The following CDH13 variants were observed in gnomAD, a reference collection of about 807,000 sequenced individuals.
CDH13 encodes cadherin-13.
A neutral mutation model predicts 63.8 loss-of-function variants in CDH13; 24 were observed. The observed-to-expected ratio is 0.38, with a 90% CI of 0.27 to 0.53. CDH13 has a LOEUF of 0.53. CDH13 is among the 20% of genes least tolerant of loss of function. The probability of loss-of-function intolerance (pLI) is 0.85; values close to 1 mark genes in which losing one functional copy is unlikely to be tolerated. For missense variants in CDH13, 1,049 were observed against 903.1 expected (o/e 1.16, Z -2.07); for synonymous variants, 503 against 355.3 (o/e 1.42, Z -4.67).
intron 2 of CDH13, among the ~76,000 whole-genome samples, chr16:82,870,642 A>G (rs958504698): frequency 3.3e-5 from 5 of 152,172 alleles, no homozygotes; most frequent in African/African-American, 1.2e-4. Flanking sequence ...TGAAATTGGA[A>G]TGTCCCTAAC....
chr16:82,950,035 G>A (rs1453519707), intron 2 of CDH13, among the ~76,000 whole-genome samples: 1 of 152,074 alleles, frequency 6.6e-6, no homozygotes, highest in Non-Finnish European at 1.5e-5. Context: ...TTGTTGAGGT[G>A]TGTCTTAGTT....
rs144985285 is a variant in CDH13, at chr16:82,993,777, C to A, written c.158-38233C>A. ...CTGAAACAAACACCAGCAGACATAG[C>A]ATTGGCAGGATCTAACAAGCAGGTT... is the stretch of plus-strand genomic sequence containing the variant. On this transcript the variant is annotated intron_variant, in intron 2 of 13. Transcript: ENST00000567109. Among the ~76,000 whole-genome samples the A allele has an allele frequency of 7.8e-3, 1,191 of 152,194 alleles. 17 individuals are homozygous for A. Among genetic ancestry groups the A allele is most frequent in the African/African-American group, 0.022 (929 of 41,522 alleles).
chr16:83,449,039 G>T (rs1315857107), intron 6 of CDH13, among the ~76,000 whole-genome samples: 1 of 152,122 alleles, frequency 6.6e-6, no homozygotes, highest in Admixed American at 6.6e-5. Context: ...GGGAGACCTG[G>T]GCTAGTTTTA....
intron 7 of CDH13, among the ~76,000 whole-genome samples, chr16:83,533,754 G>A (rs1026567417): frequency 6.6e-6 from 1 of 150,974 alleles, no homozygotes; most frequent in African/African-American, 2.4e-5. Flanking sequence ...CTGAGTAGCT[G>A]GGATTACAGG....
chr16:83,210,844 TAA>T (rs768159566), intron 4 of CDH13, among the ~76,000 whole-genome samples: 9 of 141,888 alleles, frequency 6.3e-5, no homozygotes, highest in Admixed American at 1.4e-4. Context: ...GATTTTGGAT[TAA>T]AAAAAAAAAA....
intron 5 of CDH13, among the ~76,000 whole-genome samples, chr16:83,219,218 G>A (rs1328183306): frequency 6.6e-6 from 1 of 152,164 alleles, no homozygotes; most frequent in African/African-American, 2.4e-5. Flanking sequence ...CGCTTCTGAG[G>A]ATTATAAAAA....
At chr16:82,636,628 A>T (rs1327292437) in intron 1 of CDH13, among the ~76,000 whole-genome samples, 1 of 152,224 alleles carries the variant, frequency 6.6e-6, no homozygotes, top group Non-Finnish European at 1.5e-5. Context: ...CTGCTTCAGC[A>T]TGTTGGGTGT....
intron 10 of CDH13, among the ~76,000 whole-genome samples, chr16:83,681,899 G>GTTT (rs200723757): frequency 2.0e-5 from 3 of 152,036 alleles, no homozygotes; most frequent in African/African-American, 7.3e-5. Context: ...TACTGCTGTT[G>GTTT]TGATGATTCT....
At position 83,022,518 on chromosome 16, in the gene CDH13, C is replaced by T. The variant is rs568931098; in HGVS notation, c.158-9492C>T. Among the ~76,000 whole-genome samples the T allele has an allele frequency of 8.5e-5, 13 of 152,230 alleles. No homozygotes were observed. In the South Asian group the frequency reaches 2.7e-3, roughly 32 times the overall value. ...TAAACAACGTGTAGAGCATTTAAAC[C>T]ACAGAAATCGGCAGATGCTACAACT... On this transcript the variant is annotated intron_variant, in intron 2 of 13. Transcript: ENST00000567109.
intron 6 of CDH13, among the ~76,000 whole-genome samples, chr16:83,426,907 C>CTTTTTTTTTTTTTTTTTT (rs71148833): frequency 3.2e-5 from 2 of 63,182 alleles, no homozygotes; most frequent in Non-Finnish European, 5.6e-5. Flanking sequence ...ATGTTTCTTT[C>CTTTTTTTTTTTTTTTTTT]TTTTTTTTTT....
At chr16:82,758,668 A>G (rs1474151981) in intron 1 of CDH13, among the ~76,000 whole-genome samples, 4 of 152,332 alleles carry the variant, frequency 2.6e-5, no homozygotes, top group African/African-American at 4.8e-5. Context: ...TACAGAGGGC[A>G]TCTTCCTCTG....
intron 2 of CDH13, among the ~76,000 whole-genome samples, chr16:82,877,007 G>A (rs1305028221): frequency 6.6e-6 from 1 of 152,170 alleles, no homozygotes; most frequent in Non-Finnish European, 1.5e-5. Context: ...TCTCAAAGTA[G>A]AAGATAACTG....
intron 6 of CDH13, among the ~76,000 whole-genome samples, chr16:83,345,793 G>T (rs1329999509): frequency 6.6e-6 from 1 of 151,912 alleles, no homozygotes; most frequent in Admixed American, 6.6e-5. Context: ...ATACACTTGA[G>T]TGAAAAAAAA....
chr16:83,079,852 T>C (rs1336342874), intron 3 of CDH13, among the ~76,000 whole-genome samples: 3 of 152,228 alleles, frequency 2.0e-5, no homozygotes, highest in Non-Finnish European at 4.4e-5. Context: ...ATATCTACCT[T>C]ATATAAATTT....
intron 8 of CDH13, among the ~76,000 whole-genome samples, chr16:83,610,609 C>A (rs1022870841): frequency 6.6e-6 from 1 of 152,054 alleles, no homozygotes; most frequent in African/African-American, 2.4e-5. Context: ...AGTGTGGACC[C>A]TTGGGACTAA....
chr16:83,260,242 C>G (rs542783038), intron 5 of CDH13, among the ~76,000 whole-genome samples: 4 of 151,840 alleles, frequency 2.6e-5, no homozygotes, highest in African/African-American at 7.2e-5. Context: ...TGGTCATGAC[C>G]TATAAATTGA....
At chr16:83,512,217 A>G (rs1225143353) in intron 7 of CDH13, among the ~76,000 whole-genome samples, 2 of 151,584 alleles carry the variant, frequency 1.3e-5, no homozygotes, top group African/African-American at 2.4e-5. Context: ...GCTACTCGGG[A>G]GTTTGAGGCA....
intron 2 of CDH13, among the ~76,000 whole-genome samples, chr16:83,025,437 A>G (rs1915710643): frequency 6.6e-6 from 1 of 152,214 alleles, no homozygotes; most frequent in Admixed American, 6.5e-5. Context: ...CCTTCTTCAC[A>G]TGGCAGCAGC....
At chr16:83,043,527 G>T (rs964504712) in intron 3 of CDH13, among the ~76,000 whole-genome samples, 21 of 140,540 alleles carry the variant, frequency 1.5e-4, no homozygotes, top group African/African-American at 5.7e-4. Flanking sequence ...GTGTGTGTGT[G>T]TATGTATAAC....
Sources: allele counts gnomAD v4.1 joint callset (sites outside exome capture counted in the v4.1 genomes callset), GRCh38; gene constraint gnomAD v4.1.1; transcripts MANE v1.5; gene names NCBI Gene and HGNC (gene_info 2026-07-23, HGNC 2026-07-21).